The following SASH1 variants were observed in gnomAD, a reference collection of about 807,000 sequenced individuals.
SASH1 encodes the protein SAM and SH3 domain-containing protein 1.
In SASH1, 44 loss-of-function variants were observed where a neutral mutation model predicts 125.2. The observed-to-expected ratio is 0.35, with a 90% CI of 0.28 to 0.45. The LOEUF is 0.45. Among genes scored for constraint, SASH1 ranks in the 20% least tolerant of loss-of-function variants. SASH1 has a pLI of 1.00. For synonymous variants in SASH1, 639 were observed against 649.1 expected, an observed-to-expected ratio of 0.98 and a Z score of 0.24; for missense variants, 1,426 against 1,614.5, an observed-to-expected ratio of 0.88 and a Z score of 2.00.
At chr6:148,448,027 C>G (rs1461873536) in intron 4 of SASH1, among the ~76,000 whole-genome samples, 1 of 152,106 alleles carries the variant, frequency 6.6e-6, no homozygotes, top group East Asian at 1.9e-4. Context: ...TCCCAGAATT[C>G]TCCCGTAATC....
At chr6:148,232,545 T>C in the SASH1 span, among the ~76,000 whole-genome samples, 93 of 152,270 alleles carry the variant, frequency 6.1e-4, no homozygotes, top group African/African-American at 2.2e-3. Flanking sequence ...CTCGGTGTTG[T>C]CGGGTATGTT....
At chr6:148,534,627 T>G (rs189928164) in intron 15 of SASH1, 124 bp from the exon 16 acceptor site, 2 of 924,796 alleles carry the variant, frequency 2.2e-6, no homozygotes, top group Admixed American at 3.6e-5. Context: ...TGATACTTAC[T>G]AATCTTTTGA....
chr6:148,397,111 C>T lies in SASH1; in HGVS notation c.285+6849C>T, dbSNP rs968336267. ...TGAACGTCCTGTGCCTGTTTCCCGG[C>T]GTCCACAGCTAGCAGCATCCTGCCA... On this transcript the variant is annotated intron_variant, in intron 2 of 19. Transcript: ENST00000367467. 9.2e-5 allele frequency among the ~76,000 whole-genome samples: 14 copies of T among 152,216 alleles called. No individual in the cohort carries two copies. The East Asian group carries it at 1.5e-3, about 17-fold the overall frequency.
intron 1 of SASH1, among the ~76,000 whole-genome samples, chr6:148,304,441 AAAAAG>A (rs201360010): frequency 0.049 from 6,274 of 128,812 alleles, 510 homozygotes; most frequent in African/African-American, 0.16. Context: ...TCAAAAAAAA[AAAAAG>A]AAAAGAAAAA....
intron 8 of SASH1, among the ~76,000 whole-genome samples, chr6:148,510,830 C>T (rs1780073352): frequency 6.6e-6 from 1 of 151,754 alleles, no homozygotes; most frequent in South Asian, 2.1e-4. Flanking sequence ...AATGCCATCT[C>T]TACAAAAATA....
At chr6:148,207,057 T>C in the SASH1 span, among the ~76,000 whole-genome samples, 1 of 152,152 alleles carries the variant, frequency 6.6e-6, no homozygotes, top group Non-Finnish European at 1.5e-5. Context: ...CCAAAATGGA[T>C]GAGCCAACCA....
chr6:148,317,944 A>G (rs1359284480), intron 1 of SASH1, among the ~76,000 whole-genome samples: 5 of 152,222 alleles, frequency 3.3e-5, no homozygotes, highest in Non-Finnish European at 5.9e-5. Context: ...AACTGTTGAG[A>G]AAAGAACCCT....
intron 1 of SASH1, among the ~76,000 whole-genome samples, chr6:148,385,456 A>G (rs1238908786): frequency 1.3e-5 from 2 of 152,208 alleles, no homozygotes; most frequent in African/African-American, 4.8e-5. Context: ...GCAAACTCCT[A>G]AAACCCTTGG....
At position 148,532,702 on chromosome 6, in the gene SASH1, C is replaced by T; in HGVS notation, c.1565-95C>T. On this transcript the variant is annotated intron_variant, in intron 13 of 19. Coordinates refer to ENST00000367467, the MANE Select transcript of SASH1 (RefSeq NM_015278.5). The surrounding 1 kb of genome is among the most constrained non-coding windows in gnomAD (Gnocchi z 4.7). Reference sequence around the variant, plus strand: ...GGCTCAAGGCTTCCTTTCTCTGGGCCTTCATTTCCTAATCTGCCATACCTT... The same window carrying T: ...GGCTCAAGGCTTCCTTTCTCTGGGCTTTCATTTCCTAATCTGCCATACCTT... The T allele has an allele frequency of 1.4e-6, 2 of 1,433,740 alleles. No individual in the cohort carries two copies. The highest frequency in any genetic ancestry group is 1.9e-6 in the Non-Finnish European group (2 of 1,041,722). 88.8% of individuals were successfully genotyped at this position (1,433,740 alleles called of 1,614,324 possible).
intron 1 of SASH1, among the ~76,000 whole-genome samples, chr6:148,367,557 T>C (rs1229320070): frequency 6.6e-6 from 1 of 152,256 alleles, no homozygotes; most frequent in Non-Finnish European, 1.5e-5. Flanking sequence ...CAGGAAGCTT[T>C]CCTTGGGGAG....
intron 1 of SASH1, among the ~76,000 whole-genome samples, chr6:148,387,478 TCTTCC>T (rs1056763570): frequency 3.3e-5 from 5 of 150,656 alleles, no homozygotes; most frequent in African/African-American, 9.7e-5. Flanking sequence ...TCTTCTCTTC[TCTTCC>T]CTTCCCTTCT....
At chr6:148,369,142 A>C (rs1199997452) in intron 1 of SASH1, among the ~76,000 whole-genome samples, 1 of 152,186 alleles carries the variant, frequency 6.6e-6, no homozygotes, top group East Asian at 1.9e-4. Context: ...AACAACTAGA[A>C]ATCATCAGCG....
chr6:148,456,320 C>A (rs371450370), intron 4 of SASH1, among the ~76,000 whole-genome samples: 1 of 152,156 alleles, frequency 6.6e-6, no homozygotes, highest in African/African-American at 2.4e-5. Flanking sequence ...GATCAGTGAC[C>A]CCATCTCCAT....
At chr6:148,446,153 G>T (rs570896056) in intron 4 of SASH1, among the ~76,000 whole-genome samples, 1 of 128,760 alleles carries the variant, frequency 7.8e-6, no homozygotes, top group African/African-American at 2.9e-5. Context: ...CTGTCGCCCA[G>T]GCTGGAGTGC....
chr6:148,283,394 G>A (rs1779397106), intron 1 of SASH1: 1 of 152,334 alleles, frequency 6.6e-6, no homozygotes, highest in African/African-American at 2.4e-5. Context: ...AGGCAGGGAG[G>A]TAGGGGGTGT....
chr6:148,212,172 G>A, the SASH1 span, among the ~76,000 whole-genome samples: 13 of 152,192 alleles, frequency 8.5e-5, no homozygotes, highest in African/African-American at 3.1e-4. Flanking sequence ...GGGAGTTTAG[G>A]AGAACCGGGA....
chr6:148,230,546 G>A, the SASH1 span, among the ~76,000 whole-genome samples: 2 of 152,092 alleles, frequency 1.3e-5, no homozygotes, highest in East Asian at 3.9e-4. Flanking sequence ...GTAACTCTGT[G>A]TTTAACATTG....
the SASH1 span, among the ~76,000 whole-genome samples, chr6:148,205,392 C>A: frequency 6.6e-6 from 1 of 152,108 alleles, no homozygotes; most frequent in Non-Finnish European, 1.5e-5. Context: ...TCATAAACTT[C>A]TTTTTTCCAA....
chr6:148,355,230 T>A (rs1472849726), intron 1 of SASH1, among the ~76,000 whole-genome samples: 9 of 152,012 alleles, frequency 5.9e-5, no homozygotes, highest in Non-Finnish European at 1.2e-4. Context: ...TACAGTTTTT[T>A]AAAAAAAACC....
Sources: gnomAD v4.1 joint callset for allele counts (sites outside exome capture counted in the v4.1 genomes callset) on GRCh38, gnomAD v4.1.1 for gene constraint, Gnocchi (gnomAD v3.1) non-coding constraint, MANE v1.5 for transcripts, NCBI Gene and HGNC (gene_info 2026-07-23, HGNC 2026-07-21) for gene names.